The following SETD3 variants were observed in gnomAD, a reference collection of about 807,000 sequenced individuals.
SETD3 encodes SET domain containing 3, actin N3(tau)-histidine methyltransferase.
Under a neutral mutation model 63.0 loss-of-function variants are expected in SETD3, and 19 were observed. That is an observed-to-expected ratio of 0.30 (90% CI 0.21 to 0.44). The LOEUF is 0.44. Ranked by LOEUF, SETD3 falls within the 20% of genes least tolerant of loss-of-function variation. SETD3 has a pLI of 1.00. For missense variants in SETD3, 587 were observed against 728.5 expected, an observed-to-expected ratio of 0.81 and a Z score of 2.24; for synonymous variants, 286 against 264.1, an observed-to-expected ratio of 1.08 and a Z score of -0.80.
At chr14:99,466,662 C>T (rs527288377) in intron 1 of SETD3, among the ~76,000 whole-genome samples, 3 of 150,494 alleles carry the variant, frequency 2.0e-5, no homozygotes, top group Admixed American at 6.6e-5. Flanking sequence ...GGACTAGAAG[C>T]GTGAGGGAAG....
chr14:99,424,906 A>C (rs1892797180), intron 6 of SETD3, among the ~76,000 whole-genome samples: 1 of 152,108 alleles, frequency 6.6e-6, no homozygotes, highest in Non-Finnish European at 1.5e-5. Context: ...CAGGCTGAGA[A>C]GGCTAGACTC....
At chr14:99,410,216 C>T in intron 8 of SETD3, 1 of 1,613,644 alleles carries the variant, frequency 6.2e-7, no homozygotes, top group Non-Finnish European at 8.5e-7. Flanking sequence ...CTTCTGGTGT[C>T]TGAAGAATAG....
intron 6 of SETD3, among the ~76,000 whole-genome samples, chr14:99,424,331 G>A (rs1358319851): frequency 6.6e-6 from 1 of 152,198 alleles, no homozygotes; most frequent in Non-Finnish European, 1.5e-5. Flanking sequence ...AGATTCAGAA[G>A]AGCAGGAAGA....
In SETD3 at chr14:99,413,076, A is replaced by G. The variant is rs1193676449; in HGVS notation, c.735-11T>C. On this transcript the variant is annotated splice_polypyrimidine_tract_variant and intron_variant, in intron 7 of 12. Transcript: ENST00000331768. Reference sequence around the variant, plus strand: ...GAAGAGACTGCCCACCTATAACAAGATAAATGGTGACTTAAGGTTGGAACA... The same window carrying G: ...GAAGAGACTGCCCACCTATAACAAGGTAAATGGTGACTTAAGGTTGGAACA... 5 of 1,502,844 alleles carry G rather than the reference A, an allele frequency of 3.3e-6. No homozygotes were observed. Among genetic ancestry groups the G allele is most frequent in the Non-Finnish European group, 4.6e-6 (5 of 1,082,698 alleles). 93.1% of individuals were successfully genotyped at this position (1,502,844 alleles called of 1,614,324 possible). A position where few individuals can be genotyped will look rare whatever the true frequency, so the allele number is the denominator to read the frequency against.
At chr14:99,456,628 C>T (rs1018366053) in intron 6 of SETD3, among the ~76,000 whole-genome samples, 1 of 152,106 alleles carries the variant, frequency 6.6e-6, no homozygotes, top group Non-Finnish European at 1.5e-5. Flanking sequence ...ATTTAATCCC[C>T]GTAGCATCTC....
At chr14:99,410,329 G>A in intron 8 of SETD3, 2 of 1,403,326 alleles carry the variant, frequency 1.4e-6, no homozygotes, top group Non-Finnish European at 9.9e-7. Flanking sequence ...TTTTGAGACT[G>A]TAAGACTCAT....
intron 6 of SETD3, among the ~76,000 whole-genome samples, chr14:99,448,849 C>A (rs1248986354): frequency 6.6e-6 from 1 of 152,214 alleles, no homozygotes; most frequent in African/African-American, 2.4e-5. Flanking sequence ...TGGCCACAGT[C>A]ACTCTTGGAA....
intron 8 of SETD3, among the ~76,000 whole-genome samples, chr14:99,409,312 T>C (rs1179347067): frequency 6.6e-6 from 1 of 152,138 alleles, no homozygotes; most frequent in African/African-American, 2.4e-5. Flanking sequence ...AAAATTTATA[T>C]ATATACGTAT....
chr14:99,426,120 G>GC (rs879913436), intron 6 of SETD3, among the ~76,000 whole-genome samples: 18 of 151,718 alleles, frequency 1.2e-4, no homozygotes, highest in East Asian at 1.9e-4. Flanking sequence ...GGAATAATCC[G>GC]CCCCCCCATC....
intron 1 of SETD3, among the ~76,000 whole-genome samples, chr14:99,469,061 T>C (rs1300274820): frequency 6.6e-6 from 1 of 152,206 alleles, no homozygotes; most frequent in Non-Finnish European, 1.5e-5. Context: ...TGACAGACCA[T>C]TAAAAATATG....
chr14:99,434,770 C>T (rs2139699977), intron 6 of SETD3, among the ~76,000 whole-genome samples: 1 of 147,932 alleles, frequency 6.8e-6, no homozygotes, highest in Admixed American at 6.7e-5. Context: ...TTGCTTGAAC[C>T]CGGGAGGGAG....
Position 99,405,949 on chromosome 14 carries a change from G to A in SETD3, c.924+567C>T, listed in dbSNP as rs1045867271. On this transcript the variant is annotated intron_variant, in intron 9 of 12. Coordinates refer to ENST00000331768, the MANE Select transcript of SETD3 (RefSeq NM_032233.3). Reference sequence around the variant, plus strand: ...TGTCTCAACTGGAATGTCAATTATGGATGTGAGTTCCATGACTGTACTGTC... The same window carrying A: ...TGTCTCAACTGGAATGTCAATTATGAATGTGAGTTCCATGACTGTACTGTC... 1.1e-4 allele frequency among the ~76,000 whole-genome samples: 16 copies of A among 152,124 alleles called. No individual in the cohort carries two copies. The East Asian group carries it at 3.1e-3, about 29-fold the overall frequency.
chr14:99,412,162 GC>G (rs2139640104), intron 8 of SETD3: 1 of 152,372 alleles, frequency 6.6e-6, no homozygotes, highest in East Asian at 1.9e-4. Flanking sequence ...TCTTATTTCT[GC>G]CTACTAATAT....
intron 6 of SETD3, among the ~76,000 whole-genome samples, chr14:99,439,837 G>C (rs1355055733): frequency 1.3e-5 from 2 of 151,270 alleles, no homozygotes; most frequent in Non-Finnish European, 2.9e-5. Flanking sequence ...TGTCACCCAG[G>C]CTAGAGTATG....
intron 1 of SETD3, among the ~76,000 whole-genome samples, chr14:99,480,351 A>AG (rs1483639567): frequency 6.6e-6 from 1 of 151,872 alleles, no homozygotes; most frequent in Non-Finnish European, 1.5e-5. Flanking sequence ...GGCCGGGGAC[A>AG]GCGGGGCAAG....
At chr14:99,455,932 A>C (rs1463755575) in intron 6 of SETD3, among the ~76,000 whole-genome samples, 1 of 152,264 alleles carries the variant, frequency 6.6e-6, no homozygotes, top group Non-Finnish European at 1.5e-5. Context: ...AGGCGGGCGG[A>C]TCACTTGACT....
At chr14:99,480,632 C>T (rs928052761) in intron 1 of SETD3, 96 bp downstream of exon 1, 4 of 150,784 alleles carry the variant, frequency 2.7e-5, no homozygotes, top group African/African-American at 7.2e-5. Context: ...CCGAGGGGCG[C>T]TGGCCAGGGC....
intron 1 of SETD3, among the ~76,000 whole-genome samples, chr14:99,476,434 C>T (rs894246323): frequency 1.3e-5 from 2 of 152,174 alleles, no homozygotes; most frequent in African/African-American, 4.8e-5. Context: ...GGAGGAGCTG[C>T]AGGTTAAATT....
At chr14:99,458,090 T>C (rs1595247144) in intron 6 of SETD3, among the ~76,000 whole-genome samples, 189 bp downstream of exon 6, 3 of 152,330 alleles carry the variant, frequency 2.0e-5, no homozygotes, top group Admixed American at 2.0e-4. Flanking sequence ...AAATCAGATA[T>C]ATATATGTAA....
Sources: gnomAD v4.1 joint callset for allele counts (sites outside exome capture counted in the v4.1 genomes callset) on GRCh38, gnomAD v4.1.1 for gene constraint, MANE v1.5 for transcripts, NCBI Gene and HGNC (gene_info 2026-07-23, HGNC 2026-07-21) for gene names.